Variants in DMD observed in about 807,000 individuals in gnomAD.
The protein encoded by DMD is dystrophin, also known as mutant dystrophin.
In DMD, 63 loss-of-function variants were observed where a neutral mutation model predicts 330.1. The ratio of observed to expected loss-of-function variants is 0.19; its 90% confidence interval spans 0.16 to 0.24. The LOEUF (loss-of-function observed/expected upper bound fraction) is 0.24. Among genes scored for constraint, DMD ranks in the 10% least tolerant of loss-of-function variants. The pLI is 1.00. For synonymous variants in DMD, 1,223 were observed against 959.8 expected (o/e 1.27, Z -5.07); for missense variants, 3,344 against 2,684.1 (o/e 1.25, Z -5.43).
At chrX:32,470,333 C>G (rs2040494913) in intron 22 of DMD, among the ~76,000 whole-genome samples, 1 of 111,235 alleles carries the variant, frequency 9.0e-6, no homozygotes. Flanking sequence ...TGCTTCTCCA[C>G]CTAAATTTTT....
intron 1 of DMD, among the ~76,000 whole-genome samples, chrX:33,182,978 G>A (rs1000280222): frequency 5.4e-5 from 6 of 112,009 alleles, no homozygotes; most frequent in Non-Finnish European, 5.6e-5. Flanking sequence ...TGTATGCAAC[G>A]CAAATTCTAG....
chrX:32,777,048 G>C (rs753702109), intron 7 of DMD, among the ~76,000 whole-genome samples: 18 of 102,596 alleles, frequency 1.8e-4, no homozygotes, highest in African/African-American at 6.9e-4. Context: ...CTATATAGCA[G>C]CATAAATTTG....
rs1238331071 is a variant in DMD at position 32,683,996 on chromosome X, AACACACACACACACACATACAT to A, written c.960+13852_960+13873del. On this transcript the variant is annotated intron_variant, in intron 9 of 78. Transcript: ENST00000357033. ...AAGTGAAATGTTATAGCACATACAA[AACACACACACACACACATACAT>A]ACACACACACACACACACACACACA... Among the ~76,000 whole-genome samples the A allele has an allele frequency of 5.5e-3, 552 of 100,524 alleles. 5 individuals are homozygous for A. The highest frequency in any genetic ancestry group is 0.019 in the African/African-American group (522 of 26,899). The allele number at this position is 100,524 out of a possible 115,157, so 87.3% of individuals were successfully genotyped here. A position where few individuals can be genotyped will look rare whatever the true frequency, so the allele number is the denominator to read the frequency against.
rs1049852902 is a variant in DMD, at chrX:32,312,716, G to A, written c.5923-2440C>T. Among the ~76,000 whole-genome samples, 7 of 107,555 alleles carry A rather than the reference G, an allele frequency of 6.5e-5. No homozygotes were observed. The East Asian group carries it at 2.1e-3, about 32-fold the overall frequency. The allele number at this position is 107,555 out of a possible 115,157, so 93.4% of individuals were successfully genotyped here. A position where few individuals can be genotyped will look rare whatever the true frequency, so the allele number is the denominator to read the frequency against. ...GAAGAAAAGAGAAAAGAATCAAAGA[G>A]GCACAATAAAAAATGATAAAGGGGA... is the stretch of plus-strand genomic sequence containing the variant. On this transcript the variant is annotated intron_variant, in intron 41 of 78. Coordinates refer to ENST00000357033, the MANE Select transcript of DMD (RefSeq NM_004006.3).
At chrX:32,702,431 C>T (rs1291026122) in intron 7 of DMD, among the ~76,000 whole-genome samples, 1 of 111,065 alleles carries the variant, frequency 9.0e-6, no homozygotes, top group African/African-American at 3.3e-5. Flanking sequence ...GACACATTAG[C>T]GATGTCTTGG....
intron 7 of DMD, among the ~76,000 whole-genome samples, chrX:32,778,835 G>A (rs1603408324): frequency 9.1e-6 from 1 of 110,051 alleles, no homozygotes; most frequent in South Asian, 3.8e-4. Context: ...CCTATTTTAA[G>A]ATCAGCTAAT....
intron 2 of DMD, among the ~76,000 whole-genome samples, chrX:32,989,919 A>T (rs187834463): frequency 1.8e-5 from 2 of 111,820 alleles, no homozygotes; most frequent in African/African-American, 6.5e-5. Flanking sequence ...CCTATTATTA[A>T]TAGTTGTCTA....
chrX:32,934,532 T>C (rs2089842505), intron 2 of DMD, among the ~76,000 whole-genome samples: 1 of 111,346 alleles, frequency 9.0e-6, no homozygotes, highest in East Asian at 2.8e-4. Flanking sequence ...AATTTAAAAA[T>C]AGAAAAAAGC....
intron 43 of DMD, among the ~76,000 whole-genome samples, chrX:32,242,807 A>G (rs1348052488): frequency 9.1e-6 from 1 of 110,233 alleles, no homozygotes; most frequent in Non-Finnish European, 1.9e-5. Flanking sequence ...TAATCATTTT[A>G]TGGGTCCGTG....
chrX:32,137,789 G>A (rs1446504089), intron 44 of DMD, among the ~76,000 whole-genome samples: 3 of 110,395 alleles, frequency 2.7e-5, no homozygotes, highest in African/African-American at 9.9e-5. Flanking sequence ...CAGAATTCCT[G>A]CCTCTTGAAA....
At chrX:32,766,301 A>G (rs1217566807) in intron 7 of DMD, among the ~76,000 whole-genome samples, 2 of 111,510 alleles carry the variant, frequency 1.8e-5, no homozygotes, top group East Asian at 5.7e-4. Context: ...ATACCTCAAC[A>G]ACAATATTGA....
chrX:31,454,951 CTTTTTTT>C (rs61091457), intron 59 of DMD, among the ~76,000 whole-genome samples: 2 of 80,195 alleles, frequency 2.5e-5, no homozygotes, highest in African/African-American at 5.0e-5. Context: ...TTTTCTTTTT[CTTTTTTT>C]TTTTTTTTTT....
chrX:32,713,002 T>C (rs1469308542), intron 7 of DMD, among the ~76,000 whole-genome samples: 2 of 111,507 alleles, frequency 1.8e-5, no homozygotes, highest in Non-Finnish European at 3.8e-5. Context: ...TCTAGAGACA[T>C]GAAATGTCAC....
chrX:31,982,873 T>A (rs947113248), intron 44 of DMD, among the ~76,000 whole-genome samples: 6 of 107,805 alleles, frequency 5.6e-5, no homozygotes, highest in African/African-American at 2.0e-4. Flanking sequence ...TATGGCCATA[T>A]ATAGTGGGTA....
intron 1 of DMD, among the ~76,000 whole-genome samples, chrX:33,113,656 AGACT>A (rs2095358719): frequency 3.7e-5 from 4 of 107,699 alleles, no homozygotes; most frequent in African/African-American, 1.3e-4. Context: ...GTAATTAGAC[AGACT>A]AAGAACCAGA....
intron 63 of DMD, among the ~76,000 whole-genome samples, chrX:31,223,776 C>A (rs1218276926): frequency 1.8e-5 from 2 of 111,734 alleles, no homozygotes; most frequent in Non-Finnish European, 3.8e-5. Context: ...GATCCCATCT[C>A]TACAAAAAAA....
At position 32,362,825 on chromosome X, in the gene DMD, C is replaced by A. The variant is rs398123982; in HGVS notation, c.5288G>T (p.Arg1763Leu). 2.2e-5 allele frequency: 27 copies of A among 1,208,931 alleles called. No homozygotes were observed. Among genetic ancestry groups the A allele is most frequent in the Non-Finnish European group, 2.9e-5 (26 of 895,072 alleles). ...AATTCTGTGTGAAATGGCTGCAAAT[C>A]GATGGTTGAGCTCTGAGATTTGGGG... is the stretch of plus-strand genomic sequence containing the variant. The part of the protein sequence containing the change: ...VEPQISELNH[R>L]FAAISHRIKT... Residue 1763 changes from arginine to leucine, a missense_variant, in exon 37 of 79, where the codon CGA (arginine) becomes CTA (leucine). By Grantham distance (102) the Arg-to-Leu change is moderately radical. Transcript: ENST00000357033.
At chrX:32,969,775 A>G (rs1264118855) in intron 2 of DMD, among the ~76,000 whole-genome samples, 1 of 94,394 alleles carries the variant, frequency 1.1e-5, no homozygotes, top group Non-Finnish European at 2.0e-5. Flanking sequence ...ACATCTGTTT[A>G]TATAAATTCA....
At chrX:33,184,267 CA>C (rs771030366) in intron 1 of DMD, among the ~76,000 whole-genome samples, 2 of 111,722 alleles carry the variant, frequency 1.8e-5, no homozygotes, top group Non-Finnish European at 3.8e-5. Context: ...TATTTGTAAA[CA>C]AAAGTACATG....
Sources: allele counts gnomAD v4.1 joint callset (sites outside exome capture counted in the v4.1 genomes callset), GRCh38; gene constraint gnomAD v4.1.1; transcripts MANE v1.5; gene names NCBI Gene and HGNC (gene_info 2026-07-23, HGNC 2026-07-21).